Variants in TOX3 observed in about 807,000 individuals in gnomAD.
The protein encoded by TOX3 is TOX high mobility group box family member 3.
A neutral mutation model predicts 64.3 loss-of-function variants in TOX3; 22 were observed. The ratio of observed to expected loss-of-function variants is 0.34; its 90% confidence interval spans 0.24 to 0.49. The LOEUF is 0.49. Ranked by LOEUF, TOX3 falls within the 20% of genes least tolerant of loss-of-function variation. The pLI is 0.99. For missense variants in TOX3, 661 were observed against 714.4 expected (o/e 0.93, Z 0.85); for synonymous variants, 291 against 273.6 (o/e 1.06, Z -0.63).
At chr16:52,533,677 GA>G (rs145468842) in intron 1 of TOX3, among the ~76,000 whole-genome samples, 4,498 of 152,012 alleles carry the variant, frequency 0.03, 216 homozygotes, top group African/African-American at 0.1. Flanking sequence ...TTATTTAAGA[GA>G]AAAAAAGAGG....
At chr16:52,540,074 A>G (rs905362734) in intron 1 of TOX3, among the ~76,000 whole-genome samples, 150 of 151,958 alleles carry the variant, frequency 9.9e-4, no homozygotes, top group African/African-American at 3.5e-3. Flanking sequence ...TAACCAATCC[A>G]CCGGTCCACT....
intron 1 of TOX3, among the ~76,000 whole-genome samples, chr16:52,501,390 G>A (rs942663030): frequency 5.9e-5 from 9 of 152,148 alleles, no homozygotes; most frequent in Admixed American, 5.9e-4. Context: ...ATATAGAGAT[G>A]GCTGAGCGTG....
At chr16:52,527,659 C>A (rs1343687003) in intron 1 of TOX3, among the ~76,000 whole-genome samples, 2 of 152,172 alleles carry the variant, frequency 1.3e-5, no homozygotes, top group African/African-American at 4.8e-5. Flanking sequence ...CTACCTACTC[C>A]TCAGAATGAG....
intron 1 of TOX3, among the ~76,000 whole-genome samples, chr16:52,473,546 A>G (rs1158899213): frequency 6.6e-6 from 1 of 152,182 alleles, no homozygotes; most frequent in African/African-American, 2.4e-5. Context: ...CGGACTGCAA[A>G]GTCCACACGC....
intron 1 of TOX3, among the ~76,000 whole-genome samples, chr16:52,542,605 T>C (rs958710202): frequency 1.3e-5 from 2 of 152,182 alleles, no homozygotes; most frequent in Admixed American, 6.5e-5. Flanking sequence ...GTTCTCTACT[T>C]GGCCGCAAAC....
chr16:52,440,372 C>A (rs1314978414), intron 6 of TOX3, among the ~76,000 whole-genome samples: 1 of 152,158 alleles, frequency 6.6e-6, no homozygotes, highest in Non-Finnish European at 1.5e-5. Context: ...CAAGCTGACC[C>A]CAGACAGAAA....
intron 2 of TOX3, among the ~76,000 whole-genome samples, chr16:52,466,274 G>A (rs1960861297): frequency 6.6e-6 from 1 of 152,114 alleles, no homozygotes; most frequent in Non-Finnish European, 1.5e-5. Flanking sequence ...AATGGTCAGG[G>A]TAATCATGAC....
chr16:52,477,786 G>C (rs536629736), intron 1 of TOX3, among the ~76,000 whole-genome samples: 19 of 152,184 alleles, frequency 1.2e-4, no homozygotes, highest in Non-Finnish European at 1.0e-4. Flanking sequence ...CATCACAGGG[G>C]TTTTGAGGAT....
rs947269132 is a variant in TOX3 at position 52,436,727 on chromosome 16, T to C, written c.*2498A>G. 6.6e-6 allele frequency: 1 copy of C among 152,184 alleles called. No individual in the cohort carries two copies. The highest frequency in any genetic ancestry group is 1.5e-5 in the Non-Finnish European group (1 of 68,034). 9.4% of individuals were successfully genotyped at this position (152,184 alleles called of 1,614,324 possible). On this transcript the variant is annotated 3_prime_UTR_variant, in exon 7 of 7. Transcript: ENST00000219746. ...TGGCTTAGCAGCATTTAATCAAATG[T>C]GATAAAACCCAAGATTTATAAAATC...
At chr16:52,453,447 G>C (rs1960418435) in intron 3 of TOX3, among the ~76,000 whole-genome samples, 1 of 152,134 alleles carries the variant, frequency 6.6e-6, no homozygotes, top group Admixed American at 6.5e-5. Context: ...GCCTCCCAAA[G>C]TGCTGGGATT....
At chr16:52,444,466 C>T in intron 5 of TOX3, 110 bp from the exon 6 acceptor site, 8 of 845,266 alleles carry the variant, frequency 9.5e-6, no homozygotes, top group Non-Finnish European at 1.4e-5. Context: ...AAAGGTTGGT[C>T]TCCTTGGCTT....
intron 6 of TOX3, among the ~76,000 whole-genome samples, chr16:52,440,752 CTTTTTTTT>C (rs60615310): frequency 7.5e-5 from 5 of 66,610 alleles, no homozygotes; most frequent in African/African-American, 9.8e-5. Context: ...TTCTTTCTTT[CTTTTTTTT>C]TTTTTTTTTT....
At chr16:52,538,198 G>A (rs532470553) in intron 1 of TOX3, among the ~76,000 whole-genome samples, 10 of 152,118 alleles carry the variant, frequency 6.6e-5, no homozygotes, top group Non-Finnish European at 1.3e-4. Flanking sequence ...TGGATCTACC[G>A]AGTATATTTT....
chr16:52,505,688 TC>T (rs1232616808), intron 1 of TOX3, among the ~76,000 whole-genome samples: 2 of 152,132 alleles, frequency 1.3e-5, no homozygotes, highest in African/African-American at 4.8e-5. Context: ...ATTAGGAATC[TC>T]TAGAAGGCTG....
At chr16:52,468,231 T>G (rs531634465) in intron 2 of TOX3, among the ~76,000 whole-genome samples, 1 of 152,298 alleles carries the variant, frequency 6.6e-6, no homozygotes, top group East Asian at 1.9e-4. Context: ...GTGTGTGTGT[T>G]TTAACATACA....
chr16:52,459,341 C>T (rs1191044456), intron 3 of TOX3, among the ~76,000 whole-genome samples: 2 of 151,988 alleles, frequency 1.3e-5, no homozygotes, highest in African/African-American at 4.8e-5. Context: ...AAAATAACAA[C>T]AAACAATATA....
rs1171385390 is a variant in TOX3, at chr16:52,437,720, C to A, written c.*1505G>T. ...TTTTAATCGCAATAACATTACAATA[C>A]CCAGCTAGTTCTAGCCCCCTCAAAA... On this transcript the variant is annotated 3_prime_UTR_variant, in exon 7 of 7. Coordinates refer to ENST00000219746, the MANE Select transcript of TOX3 (RefSeq NM_001080430.4). Among the ~76,000 whole-genome samples the A allele has an allele frequency of 6.7e-6, 1 of 149,504 alleles. No individual in the cohort carries two copies. The highest frequency in any genetic ancestry group is 1.5e-5 in the Non-Finnish European group (1 of 67,770).
chr16:52,489,619 C>G (rs1961621055), intron 1 of TOX3, among the ~76,000 whole-genome samples: 1 of 152,106 alleles, frequency 6.6e-6, no homozygotes, highest in Non-Finnish European at 1.5e-5. Flanking sequence ...TCATCATGTC[C>G]CAATGCATCA....
chr16:52,470,291 C>A (rs1036897350), intron 1 of TOX3, among the ~76,000 whole-genome samples: 1 of 152,166 alleles, frequency 6.6e-6, no homozygotes, highest in Non-Finnish European at 1.5e-5. Context: ...TTTATGAGAA[C>A]CTGGGCTCGA....
Sources: allele counts gnomAD v4.1 joint callset (sites outside exome capture counted in the v4.1 genomes callset), GRCh38; gene constraint gnomAD v4.1.1; transcripts MANE v1.5; gene names NCBI Gene and HGNC (gene_info 2026-07-23, HGNC 2026-07-21).